Variants in SLC12A2 observed in about 807,000 individuals in gnomAD.
SLC12A2 encodes the protein Na-K-2Cl cotransporter 1.
SLC12A2 carries 67 observed loss-of-function variants against 136.3 expected under a neutral mutation model. The ratio of observed to expected loss-of-function variants is 0.49; its 90% CI spans 0.40 to 0.60. The LOEUF is 0.60. SLC12A2 is among the 20% of genes least tolerant of loss of function. The probability of loss-of-function intolerance (pLI) is 0.00; values close to 1 mark genes in which losing one functional copy is unlikely to be tolerated. For synonymous variants in SLC12A2, 619 were observed against 562.9 expected, an observed-to-expected ratio of 1.10 and a Z score of -1.41; for missense variants, 1,322 against 1,534.7, an observed-to-expected ratio of 0.86 and a Z score of 2.32.
At chr5:128,178,715 GA>G in intron 22 of SLC12A2, 26 bp downstream of exon 22, 1 of 1,503,580 alleles carries the variant, frequency 6.7e-7, no homozygotes, top group South Asian at 1.3e-5. Context: ...TTTTTAAAAT[GA>G]TTTTAAATTT....
At chr5:128,157,762 TA>T (rs906111279) in intron 15 of SLC12A2, among the ~76,000 whole-genome samples, 2 of 152,208 alleles carry the variant, frequency 1.3e-5, no homozygotes, top group Non-Finnish European at 1.5e-5. Flanking sequence ...AATTGTTATA[TA>T]TTTTTTTAAC....
chr5:128,083,979 T>C lies in SLC12A2; in HGVS notation c.25T>C (p.Ser9Pro). MEPRPTAP[S>P]SGAPGLAGVG... ...TATGGAGCCGCGGCCCACGGCGCCC[T>C]CCTCCGGCGCCCCGGGACTGGCCGG... The change falls in exon 1 of 27, where the codon TCC becomes CCC. Residue 9 changes from serine (S) to proline (P), a missense_variant. Physicochemically the swap from Ser to Pro is moderately conservative, Grantham distance 74. Transcript: ENST00000262461. The C allele has an allele frequency of 1.6e-6, 2 of 1,241,320 alleles. No individual in the cohort carries two copies. Among genetic ancestry groups the C allele is most frequent in the Non-Finnish European group, 2.0e-6 (2 of 993,122 alleles). 76.9% of individuals were successfully genotyped at this position (1,241,320 alleles called of 1,614,324 possible). A position where few individuals can be genotyped will look rare whatever the true frequency, so the allele number is the denominator to read the frequency against.
chr5:128,146,697 A>T (rs1030611178), intron 10 of SLC12A2, among the ~76,000 whole-genome samples: 1 of 151,714 alleles, frequency 6.6e-6, no homozygotes, highest in African/African-American at 2.4e-5. Context: ...GATTATTTAG[A>T]GCAAAACCCT....
chr5:128,161,713 G>A lies in SLC12A2; in HGVS notation c.2529G>A (p.Gln843=). The change falls in exon 17 of 27, where the codon CAG becomes CAA. Residue 843 remains glutamine (Q), a synonymous_variant. Coordinates refer to ENST00000262461, the MANE Select transcript of SLC12A2 (RefSeq NM_001046.3). ...TGTCCATCGATCAAGCCAAATATCA[G>A]CGATGGCTTATTAAGAACAAAATGA... ...KEMSIDQAKY[Q]RWLIKNKMKA... is the part of the protein sequence containing the mutation. 1.3e-6 allele frequency: 2 copies of A among 1,534,106 alleles called. No individual in the cohort carries two copies. Among genetic ancestry groups the A allele is most frequent in the Non-Finnish European group, 1.8e-6 (2 of 1,142,468 alleles).
intron 1 of SLC12A2, among the ~76,000 whole-genome samples, chr5:128,103,259 G>A (rs1396431186): frequency 6.6e-6 from 1 of 152,204 alleles, no homozygotes; most frequent in East Asian, 1.9e-4. Flanking sequence ...TTCTCACTTC[G>A]TCTTCTCAGA....
intron 1 of SLC12A2, among the ~76,000 whole-genome samples, chr5:128,102,596 CTTTTTTTTTTTTTTTTTT>C (rs70997362): frequency 1.2e-4 from 5 of 40,464 alleles, no homozygotes; most frequent in East Asian, 5.7e-4. Context: ...CCCCCCCCGC[CTTTTTTTTTTTTTTTTTT>C]TTTTTTTTTT....
chr5:128,094,888 A>T (rs1354174060), intron 1 of SLC12A2, among the ~76,000 whole-genome samples: 1 of 152,134 alleles, frequency 6.6e-6, no homozygotes, highest in African/African-American at 2.4e-5. Flanking sequence ...GTCACATTTT[A>T]AGTACTTAAT....
At chr5:128,173,456 A>T (rs1381752862) in intron 19 of SLC12A2, among the ~76,000 whole-genome samples, 3 of 152,176 alleles carry the variant, frequency 2.0e-5, no homozygotes, top group South Asian at 2.1e-4. Context: ...AAGTATTTTC[A>T]TGTATTTATA....
intron 12 of SLC12A2, 55 bp downstream of exon 12, chr5:128,148,932 A>G: frequency 7.3e-7 from 1 of 1,373,890 alleles, no homozygotes; most frequent in Non-Finnish European, 9.9e-7. Flanking sequence ...TTAGTTCTAG[A>G]CGTTGAATTA....
rs71575713 is a variant in SLC12A2 at position 128,098,477 on chromosome 5, G to GTT, written c.756+13774_756+13775dup. Among the ~76,000 whole-genome samples the GTT allele has an allele frequency of 1.3e-4, 20 of 149,316 alleles. No individual in the cohort carries two copies. In the East Asian group the frequency reaches 2.4e-3, roughly 18 times the overall value. Reference sequence around the variant, plus strand: ...TGGAGGAAATTTCTAATGACTGCTTGTTTTTTTTGTTTTTTTTGTTTTTTT... The same window carrying GTT: ...TGGAGGAAATTTCTAATGACTGCTTGTTTTTTTTTTGTTTTTTTTGTTTTTTT... On this transcript the variant is annotated intron_variant, in intron 1 of 26. Coordinates refer to ENST00000262461, the MANE Select transcript of SLC12A2 (RefSeq NM_001046.3).
chr5:128,088,960 G>A (rs1760204873), intron 1 of SLC12A2, among the ~76,000 whole-genome samples: 1 of 152,108 alleles, frequency 6.6e-6, no homozygotes, highest in South Asian at 2.1e-4. Context: ...CCTGAGGTCA[G>A]AAGTTCGAGA....
chr5:128,140,429 C>A (rs1022621426), intron 9 of SLC12A2, among the ~76,000 whole-genome samples: 1 of 152,168 alleles, frequency 6.6e-6, no homozygotes, highest in Non-Finnish European at 1.5e-5. Context: ...CCTAAAAGTT[C>A]CTAGCATGCT....
Position 128,083,908 on chromosome 5 carries a change from C to T in SLC12A2, c.-47C>T, listed in dbSNP as rs1759898980. ...GCCAGGGGTGTGGAGGGCGTGCTGCCGGAGACGTCCGCCGGGCTCTGCAGT... is the reference window on the plus strand; with the variant it reads ...GCCAGGGGTGTGGAGGGCGTGCTGCTGGAGACGTCCGCCGGGCTCTGCAGT... On this transcript the variant is annotated 5_prime_UTR_variant, in exon 1 of 27. Coordinates refer to ENST00000262461, the MANE Select transcript of SLC12A2 (RefSeq NM_001046.3). 4 of 1,211,976 alleles carry T rather than the reference C, an allele frequency of 3.3e-6. No individual in the cohort carries two copies. Among genetic ancestry groups the T allele is most frequent in the Middle Eastern group, 3.2e-4 (1 of 3,088 alleles). 75.1% of individuals were successfully genotyped at this position (1,211,976 alleles called of 1,614,324 possible).
In SLC12A2 at chr5:128,188,647, A is replaced by G. The variant is rs1033489276; in HGVS notation, c.*2016A>G. Reference sequence around the variant, plus strand: ...AACGTTATTATTTTCAGTGGTGTGCAGCATTTTTGCTTCATGAGTATGACC... The same window carrying G: ...AACGTTATTATTTTCAGTGGTGTGCGGCATTTTTGCTTCATGAGTATGACC... On this transcript the variant is annotated 3_prime_UTR_variant, in exon 27 of 27. Coordinates refer to ENST00000262461, the MANE Select transcript of SLC12A2 (RefSeq NM_001046.3). 4.0e-5 allele frequency: 6 copies of G among 151,764 alleles called. No individual in the cohort carries two copies. Among genetic ancestry groups the G allele is most frequent in the Non-Finnish European group, 8.8e-5 (6 of 67,974 alleles). 9.4% of individuals were successfully genotyped at this position (151,764 alleles called of 1,614,324 possible). A position where few individuals can be genotyped will look rare whatever the true frequency, so the allele number is the denominator to read the frequency against.
intron 1 of SLC12A2, among the ~76,000 whole-genome samples, chr5:128,104,228 A>G (rs1166899159): frequency 6.6e-6 from 1 of 152,226 alleles, no homozygotes; most frequent in African/African-American, 2.4e-5. Context: ...TAGATAATGT[A>G]GAAACGGAAT....
intron 10 of SLC12A2, among the ~76,000 whole-genome samples, chr5:128,144,225 C>T (rs954704923): frequency 3.3e-5 from 5 of 152,018 alleles, no homozygotes; most frequent in Admixed American, 2.6e-4. Context: ...TGGACTCATT[C>T]GAGCAAAGAG....
intron 6 of SLC12A2, among the ~76,000 whole-genome samples, chr5:128,134,499 T>A (rs1762125466): frequency 6.6e-6 from 1 of 152,040 alleles, no homozygotes; most frequent in African/African-American, 2.4e-5. Context: ...CTTTGTAAAT[T>A]TTGAATTTCC....
chr5:128,171,614 A>G, intron 18 of SLC12A2, 53 bp from the exon 19 acceptor site: 1 of 1,202,116 alleles, frequency 8.3e-7, no homozygotes. Context: ...GGATAACACA[A>G]ATTTTTGTGA....
intron 1 of SLC12A2, chr5:128,111,055 A>AT (rs1337296298): frequency 3.2e-6 from 2 of 633,680 alleles, no homozygotes; most frequent in Non-Finnish European, 5.9e-6. Flanking sequence ...ACTAAAAAGA[A>AT]TTTTTTTAAG....
Sources: gnomAD v4.1 joint callset for allele counts (sites outside exome capture counted in the v4.1 genomes callset) on GRCh38, gnomAD v4.1.1 for gene constraint, MANE v1.5 for transcripts, NCBI Gene and HGNC (gene_info 2026-07-23, HGNC 2026-07-21) for gene names.